Variants in SLC30A6 observed in about 807,000 individuals in gnomAD.
SLC30A6 encodes solute carrier family 30 member 6.
SLC30A6 carries 55 observed loss-of-function variants against 63.0 expected under a neutral mutation model. That is an observed-to-expected ratio of 0.87 (90% CI 0.70 to 1.09). The LOEUF (loss-of-function observed/expected upper bound fraction) is 1.09, where lower values mean the gene tolerates loss of function less well. SLC30A6 is among the 50% of genes least tolerant of loss of function. SLC30A6 has a pLI of 0.00. For synonymous variants in SLC30A6, 224 were observed against 186.1 expected (o/e 1.20, Z -1.66); for missense variants, 587 against 549.2 (o/e 1.07, Z -0.69).
intron 10 of SLC30A6, chr2:32,202,024 A>G (rs1043410081): frequency 8.2e-6 from 5 of 607,258 alleles, no homozygotes; most frequent in Non-Finnish European, 1.2e-5. Context: ...GATGAATATG[A>G]AAAAAAAAAA....
intron 12 of SLC30A6, among the ~76,000 whole-genome samples, chr2:32,207,647 T>G (rs1230161058): frequency 6.6e-6 from 1 of 150,630 alleles, no homozygotes; most frequent in East Asian, 1.9e-4. Context: ...AGTGCTGGGA[T>G]TACAGGCATG....
chr2:32,221,728 TAC>T lies in SLC30A6; in HGVS notation c.*1017_*1018del, dbSNP rs930530812. 6 of 152,210 alleles carry T rather than the reference TAC, an allele frequency of 3.9e-5. No individual in the cohort carries two copies. The highest frequency in any genetic ancestry group is 1.4e-4 in the African/African-American group (6 of 41,474). 9.4% of individuals were successfully genotyped at this position (152,210 alleles called of 1,614,324 possible). On this transcript the variant is annotated 3_prime_UTR_variant, in exon 14 of 14. Coordinates refer to ENST00000282587, the MANE Select transcript of SLC30A6 (RefSeq NM_017964.5). ...AGTTTCTCTCCTTTAAAAATTTTAGTACATTTGTAAATAGTCCATGGTTCTCA... is the reference window on the plus strand; with the variant it reads ...AGTTTCTCTCCTTTAAAAATTTTAGTATTTGTAAATAGTCCATGGTTCTCA...
intron 12 of SLC30A6, among the ~76,000 whole-genome samples, chr2:32,208,373 C>G (rs917346395): frequency 1.3e-5 from 2 of 151,600 alleles, no homozygotes; most frequent in African/African-American, 4.8e-5. Flanking sequence ...TCAAATGATC[C>G]GCCCCTTGTG....
intron 4 of SLC30A6, among the ~76,000 whole-genome samples, chr2:32,178,906 G>A (rs1244676555): frequency 2.0e-5 from 3 of 152,146 alleles, no homozygotes; most frequent in African/African-American, 7.2e-5. Flanking sequence ...TTCTCAGGCT[G>A]GAGTGCAGTG....
chr2:32,194,060 A>G, intron 8 of SLC30A6, 77 bp downstream of exon 8: 3 of 1,171,212 alleles, frequency 2.6e-6, no homozygotes, highest in South Asian at 1.4e-5. Flanking sequence ...TGTTTCGTTC[A>G]CTCAGATCAA....
At chr2:32,201,611 A>G (rs1302361562) in intron 10 of SLC30A6, 11 of 1,504,560 alleles carry the variant, frequency 7.3e-6, no homozygotes, top group Non-Finnish European at 9.0e-6. Flanking sequence ...TGCCTGGGAA[A>G]CTCCTCTGGG....
At chr2:32,205,238 G>T (rs961296926) in intron 11 of SLC30A6, among the ~76,000 whole-genome samples, 1 of 152,138 alleles carries the variant, frequency 6.6e-6, no homozygotes, top group Non-Finnish European at 1.5e-5. Context: ...GGCCAACATG[G>T]TGAAACCCTG....
At position 32,211,910 on chromosome 2, in the gene SLC30A6, G is replaced by A. The variant is rs192819511; in HGVS notation, c.885+2349G>A. ...GTTGGGATTACAGGCATGAGCTACT[G>A]CGCTCGGCCCACAGTGCACGCTTTT... On this transcript the variant is annotated intron_variant, in intron 13 of 13. Coordinates refer to ENST00000282587, the MANE Select transcript of SLC30A6 (RefSeq NM_017964.5). Among the ~76,000 whole-genome samples, 4 of 152,272 alleles carry A rather than the reference G, an allele frequency of 2.6e-5. No individual in the cohort carries two copies. In the East Asian group the frequency reaches 7.7e-4, roughly 29 times the overall value.
At chr2:32,211,979 A>G (rs1685295722) in intron 13 of SLC30A6, among the ~76,000 whole-genome samples, 1 of 152,066 alleles carries the variant, frequency 6.6e-6, no homozygotes, top group Non-Finnish European at 1.5e-5. Flanking sequence ...ATCTAATTGT[A>G]TTTTGTAATA....
chr2:32,205,018 G>T (rs1031307748), intron 11 of SLC30A6, among the ~76,000 whole-genome samples: 7 of 151,978 alleles, frequency 4.6e-5, no homozygotes, highest in Non-Finnish European at 1.0e-4. Flanking sequence ...TCACTATGTT[G>T]CCCAGGCTGA....
chr2:32,212,584 T>TTG (rs1685344905), intron 13 of SLC30A6, among the ~76,000 whole-genome samples: 2 of 85,322 alleles, frequency 2.3e-5, no homozygotes, highest in African/African-American at 1.0e-4. Flanking sequence ...CATTTTTACC[T>TTG]TTTTTTTTTT....
intron 13 of SLC30A6, among the ~76,000 whole-genome samples, chr2:32,213,107 G>C (rs1685400491): frequency 6.6e-6 from 1 of 151,222 alleles, no homozygotes; most frequent in Non-Finnish European, 1.5e-5. Context: ...CAGTCTTGCT[G>C]TGTTGCCTAG....
At chr2:32,173,375 CTTT>C (rs1193864679) in intron 2 of SLC30A6, among the ~76,000 whole-genome samples, 4 of 141,272 alleles carry the variant, frequency 2.8e-5, no homozygotes, top group Admixed American at 1.4e-4. Context: ...AAAGTCAGTA[CTTT>C]TTTTTTTTTT....
rs780030094 is a variant in SLC30A6, at chr2:32,174,158, T to G, written c.175+11T>G. The G allele has an allele frequency of 6.9e-6, 11 of 1,594,876 alleles. No homozygotes were observed. Among genetic ancestry groups the G allele is most frequent in the Non-Finnish European group, 4.3e-6 (5 of 1,168,400 alleles). Reference sequence around the variant, plus strand: ...CTACTAATAGTATAGGTATGTCACCTTTGTATTTTTATGGAGTTGTTATTT... The same window carrying G: ...CTACTAATAGTATAGGTATGTCACCGTTGTATTTTTATGGAGTTGTTATTT... On this transcript the variant is annotated intron_variant, in intron 3 of 13. Coordinates refer to ENST00000282587, the MANE Select transcript of SLC30A6 (RefSeq NM_017964.5).
rs958942033 is a variant in SLC30A6 at position 32,186,535 on chromosome 2, C to T, written c.284+2197C>T. ...ACCCCATCTCTACTAAAAACACACA[C>T]ACAAAAATTAGCTGGGCATGGTGGC... On this transcript the variant is annotated intron_variant, in intron 5 of 13. Transcript: ENST00000282587. 5.3e-5 allele frequency among the ~76,000 whole-genome samples: 8 copies of T among 152,052 alleles called. No individual in the cohort carries two copies. The South Asian group carries it at 1.5e-3, about 28-fold the overall frequency.
At chr2:32,214,904 G>GA (rs1685569019) in intron 13 of SLC30A6, among the ~76,000 whole-genome samples, 1 of 152,130 alleles carries the variant, frequency 6.6e-6, no homozygotes, top group African/African-American at 2.4e-5. Context: ...AAAGAAAAGG[G>GA]AAAAATCAAA....
intron 4 of SLC30A6, among the ~76,000 whole-genome samples, chr2:32,182,306 A>G (rs1682399742): frequency 6.6e-6 from 1 of 152,186 alleles, no homozygotes; most frequent in African/African-American, 2.4e-5. Flanking sequence ...AAAATCATTC[A>G]TCCATTCAAA....
rs141243751 is a variant in SLC30A6 at position 32,203,858 on chromosome 2, C to T, written c.666-732C>T. 2.2e-4 allele frequency: 274 copies of T among 1,218,206 alleles called. 1 individual carries two copies. In the East Asian group the frequency reaches 6.1e-3, roughly 27 times the overall value. The allele number at this position is 1,218,206 out of a possible 1,614,324, so 75.5% of individuals were successfully genotyped here. ...AGGAGTGGTTGGTCAAGTGGCCAGT[C>T]GGGCCGATCAGGTGGTCGATCTGGC... On this transcript the variant is annotated intron_variant, in intron 10 of 13. Coordinates refer to ENST00000282587, the MANE Select transcript of SLC30A6 (RefSeq NM_017964.5).
At chr2:32,205,000 A>T (rs1267258586) in intron 11 of SLC30A6, among the ~76,000 whole-genome samples, 1 of 151,884 alleles carries the variant, frequency 6.6e-6, no homozygotes, top group Non-Finnish European at 1.5e-5. Context: ...ATTTGTAGAG[A>T]TGGGCTCTCA....
Sources: gnomAD v4.1 joint callset for allele counts (sites outside exome capture counted in the v4.1 genomes callset) on GRCh38, gnomAD v4.1.1 for gene constraint, MANE v1.5 for transcripts, NCBI Gene and HGNC (gene_info 2026-07-23, HGNC 2026-07-21) for gene names.